PTPRG: variants seen among roughly 807,000 people sequenced by gnomAD.
PTPRG encodes receptor-type tyrosine-protein phosphatase gamma.
A neutral mutation model predicts 165.3 loss-of-function variants in PTPRG; 102 were observed. The observed-to-expected ratio is 0.62, with a 90% CI of 0.53 to 0.73. PTPRG has a LOEUF of 0.73. Among genes scored for constraint, PTPRG ranks in the 30% least tolerant of loss-of-function variants. The pLI, the probability that PTPRG is intolerant of heterozygous loss-of-function variation, is 0.00. For synonymous variants in PTPRG, 675 were observed against 669.5 expected (o/e 1.01, Z -0.13); for missense variants, 1,866 against 1,861.4 (o/e 1.00, Z -0.05).
Position 62,157,049 on chromosome 3 carries a change from C to T in PTPRG, c.683-18C>T. The T allele has an allele frequency of 6.3e-7, 1 of 1,582,094 alleles. No homozygotes were observed. The highest frequency in any genetic ancestry group is 8.7e-7 in the Non-Finnish European group (1 of 1,151,428). ...TGACTTACCATTGTGCTTTTCTTTT[C>T]CCTTTTTCCCCAAACAGAGAAGGAG... On this transcript the variant is annotated intron_variant, in intron 6 of 29. Transcript: ENST00000474889.
intron 4 of PTPRG, among the ~76,000 whole-genome samples, chr3:62,068,556 G>T (rs1194653464): frequency 2.0e-5 from 3 of 152,116 alleles, no homozygotes; most frequent in Non-Finnish European, 4.4e-5. Flanking sequence ...GCTCACTGCA[G>T]CCTTGAACTC....
At chr3:61,840,747 C>G (rs79537130) in intron 2 of PTPRG, among the ~76,000 whole-genome samples, 1 of 146,784 alleles carries the variant, frequency 6.8e-6, no homozygotes, top group African/African-American at 2.5e-5. Context: ...ATATAGGATA[C>G]AGAAAATTTC....
At chr3:61,768,936 C>A (rs1002723111) in intron 2 of PTPRG, among the ~76,000 whole-genome samples, 1 of 152,044 alleles carries the variant, frequency 6.6e-6, no homozygotes, top group East Asian at 1.9e-4. Context: ...AAGATGAGTT[C>A]CACATGATTC....
Position 62,254,772 on chromosome 3 carries a change from G to C in PTPRG, c.2468-352G>C, listed in dbSNP as rs2106984334. On this transcript the variant is annotated intron_variant, in intron 15 of 29. Coordinates refer to ENST00000474889, the MANE Select transcript of PTPRG (RefSeq NM_002841.4). This position sits in a 1 kb window ranked among gnomAD's most constrained non-coding sequence, Gnocchi z 4.6. ...CAACAACAAAGAAAACCCCTGGTGT[G>C]ATAAAATTTCTTGGCAAATGGGTAC... Among the ~76,000 whole-genome samples the C allele has an allele frequency of 6.6e-6, 1 of 152,208 alleles. No individual in the cohort carries two copies.
intron 1 of PTPRG, among the ~76,000 whole-genome samples, chr3:61,652,395 G>A (rs1702378180): frequency 6.6e-6 from 1 of 152,144 alleles, no homozygotes; most frequent in Admixed American, 6.5e-5. Flanking sequence ...GCCATTGACA[G>A]GGCTGATCTT....
At chr3:61,682,432 A>G (rs556863567) in intron 1 of PTPRG, among the ~76,000 whole-genome samples, 1 of 152,182 alleles carries the variant, frequency 6.6e-6, no homozygotes, top group Non-Finnish European at 1.5e-5. Flanking sequence ...GTTGACAGTA[A>G]TGGGTATGGG....
At chr3:61,997,285 A>C (rs1019077223) in intron 3 of PTPRG, among the ~76,000 whole-genome samples, 6 of 152,090 alleles carry the variant, frequency 3.9e-5, no homozygotes, top group Non-Finnish European at 8.8e-5. Context: ...AGAGTAATCT[A>C]CTTAGTTCCC....
chr3:61,580,032 G>A (rs751637447), intron 1 of PTPRG, among the ~76,000 whole-genome samples: 10 of 152,146 alleles, frequency 6.6e-5, no homozygotes, highest in Admixed American at 3.3e-4. Flanking sequence ...TAAAAAATAT[G>A]TCATAAATGC....
intron 1 of PTPRG, among the ~76,000 whole-genome samples, chr3:61,640,058 G>C (rs987311568): frequency 3.9e-5 from 6 of 152,104 alleles, no homozygotes; most frequent in African/African-American, 1.4e-4. Context: ...CAGACACTAC[G>C]TTTCTCTTTA....
intron 27 of PTPRG, 117 bp from the exon 28 acceptor site, chr3:62,282,610 A>G: frequency 9.8e-7 from 1 of 1,021,824 alleles, no homozygotes; most frequent in Non-Finnish European, 1.4e-6. Flanking sequence ...TTTGGTTAAC[A>G]CAACATTGTT....
intron 3 of PTPRG, among the ~76,000 whole-genome samples, chr3:61,997,354 A>C (rs1416315358): frequency 6.6e-6 from 1 of 152,082 alleles, no homozygotes; most frequent in Non-Finnish European, 1.5e-5. Context: ...CAAGCATATC[A>C]AGGACTTCCC....
chr3:61,949,979 C>T (rs192593254), intron 2 of PTPRG, among the ~76,000 whole-genome samples: 6 of 152,266 alleles, frequency 3.9e-5, no homozygotes, highest in African/African-American at 1.4e-4. Context: ...ATCTCTTGAC[C>T]TCATGATCCG....
chr3:61,695,700 T>G (rs1379064686), intron 1 of PTPRG, among the ~76,000 whole-genome samples: 2 of 152,222 alleles, frequency 1.3e-5, no homozygotes, highest in Non-Finnish European at 2.9e-5. Flanking sequence ...GTTGAAGATA[T>G]GATGAGTTCT....
intron 1 of PTPRG, among the ~76,000 whole-genome samples, chr3:61,633,920 T>C (rs1297580915): frequency 1.3e-5 from 2 of 151,216 alleles, no homozygotes; most frequent in Non-Finnish European, 2.9e-5. Flanking sequence ...GGTGTTGCTG[T>C]TTTGTTCTTT....
intron 2 of PTPRG, among the ~76,000 whole-genome samples, chr3:61,854,442 C>T (rs940204793): frequency 6.6e-6 from 1 of 152,178 alleles, no homozygotes; most frequent in African/African-American, 2.4e-5. Context: ...TCTGTCTTCT[C>T]TATTTACTCT....
At chr3:62,009,442 A>G (rs535814703) in intron 4 of PTPRG, among the ~76,000 whole-genome samples, 4 of 152,194 alleles carry the variant, frequency 2.6e-5, no homozygotes, top group African/African-American at 7.2e-5. Context: ...TGGGCCTGCA[A>G]TTGTCTTCAA....
intron 20 of PTPRG, among the ~76,000 whole-genome samples, chr3:62,270,340 T>G (rs1702020371): frequency 6.6e-6 from 1 of 152,206 alleles, no homozygotes; most frequent in Non-Finnish European, 1.5e-5. Flanking sequence ...CTATCCTTTC[T>G]ATGTATGTTT....
Position 61,835,786 on chromosome 3 carries a change from C to T in PTPRG, c.190+86804C>T, listed in dbSNP as rs933364573. Among the ~76,000 whole-genome samples the T allele has an allele frequency of 5.9e-5, 9 of 151,768 alleles. 1 individual carries two copies. Among genetic ancestry groups the T allele is most frequent in the Non-Finnish European group, 1.2e-4 (8 of 67,960 alleles). ...GGGCACAGTGGCTCACACCTGTAAT[C>T]CCAGCACTTTGGGAGGCCGAGGTGG... On this transcript the variant is annotated intron_variant, in intron 2 of 29. Coordinates refer to ENST00000474889, the MANE Select transcript of PTPRG (RefSeq NM_002841.4).
chr3:62,227,578 A>G (rs1271299687), intron 13 of PTPRG, among the ~76,000 whole-genome samples: 1 of 152,212 alleles, frequency 6.6e-6, no homozygotes, highest in Non-Finnish European at 1.5e-5. Context: ...TAGAGCTTGT[A>G]AGTTTTAGAA....
Sources: gnomAD v4.1 joint callset for allele counts (sites outside exome capture counted in the v4.1 genomes callset) on GRCh38, gnomAD v4.1.1 for gene constraint, Gnocchi (gnomAD v3.1) non-coding constraint, MANE v1.5 for transcripts, NCBI Gene and HGNC (gene_info 2026-07-23, HGNC 2026-07-21) for gene names.